Variants in MNS1 observed in about 807,000 individuals in gnomAD.
The protein encoded by MNS1 is meiosis-specific nuclear structural protein 1.
MNS1 carries 63 observed loss-of-function variants against 72.0 expected under a neutral mutation model. The observed-to-expected ratio is 0.87, with a 90% CI of 0.71 to 1.08. MNS1 has a LOEUF of 1.08. Ranked by LOEUF, MNS1 falls within the 50% of genes least tolerant of loss-of-function variation. The pLI is 0.00. For synonymous variants in MNS1, 188 were observed against 172.1 expected, an observed-to-expected ratio of 1.09 and a Z score of -0.72; for missense variants, 604 against 562.4, an observed-to-expected ratio of 1.07 and a Z score of -0.75.
In MNS1 at chr15:56,464,063, T is replaced by C; in HGVS notation, c.188A>G (p.Glu63Gly). The C allele has an allele frequency of 1.2e-6, 2 of 1,613,708 alleles. No individual in the cohort carries two copies. The highest frequency in any genetic ancestry group is 2.2e-5 in the East Asian group (1 of 44,854). The change falls in exon 2 of 10, where the codon GAA (glutamate) becomes GGA (glycine). Residue 63 changes from glutamate to glycine, a missense_variant. Glu to Gly is a moderately conservative substitution (Grantham distance 98). Transcript: ENST00000260453. ...CTCTTCCATATCCAACTCAAATTGT[T>C]CATTTTGTAATAATCTGAGAAATTG... is the stretch of plus-strand genomic sequence containing the variant. ...RKQFLRLLQN[E>G]QFELDMEEAI...
chr15:56,449,496 C>A (rs1316747592), intron 3 of MNS1, among the ~76,000 whole-genome samples: 1 of 152,144 alleles, frequency 6.6e-6, no homozygotes, highest in African/African-American at 2.4e-5. Flanking sequence ...CACTGGATTT[C>A]GTATTGACTA....
At chr15:56,441,169 TTAATTA>T (rs1314869805) in intron 7 of MNS1, among the ~76,000 whole-genome samples, 1 of 152,164 alleles carries the variant, frequency 6.6e-6, no homozygotes, top group Non-Finnish European at 1.5e-5. Flanking sequence ...AATATATTGT[TTAATTA>T]TAATATATTT....
intron 7 of MNS1, among the ~76,000 whole-genome samples, chr15:56,442,704 CAAA>C (rs1341639483): frequency 6.6e-6 from 1 of 151,990 alleles, no homozygotes; most frequent in Non-Finnish European, 1.5e-5. Flanking sequence ...CACGTGGACA[CAAA>C]GAAGGAAAAC....
Position 56,431,443 on chromosome 15 carries a change from G to T in MNS1, c.1325C>A (p.Ala442Glu), listed in dbSNP as rs547773434. The T allele has an allele frequency of 1.2e-6, 2 of 1,613,296 alleles. No homozygotes were observed. Among genetic ancestry groups the T allele is most frequent in the Admixed American group, 1.7e-5 (1 of 59,900 alleles). ...TTTTAGCCTTTCTTCTTCAATAATTGCATTAATAAATCCTTGCCGCCTTTG... is the reference window on the plus strand; with the variant it reads ...TTTTAGCCTTTCTTCTTCAATAATTTCATTAATAAATCCTTGCCGCCTTTG... ...LQQRRQGFIN[A>E]IIEEERLKLL... Residue 442 changes from alanine to glutamate, a missense_variant, in exon 9 of 10, where the codon GCA becomes GAA. Coordinates refer to ENST00000260453, the MANE Select transcript of MNS1 (RefSeq NM_018365.4).
chr15:56,465,083 T>C lies in MNS1; in HGVS notation c.-111A>G. 2 of 1,465,636 alleles carry C rather than the reference T, an allele frequency of 1.4e-6. No homozygotes were observed. Among genetic ancestry groups the C allele is most frequent in the Non-Finnish European group, 1.9e-6 (2 of 1,078,292 alleles). The allele number at this position is 1,465,636 out of a possible 1,614,324, so 90.8% of individuals were successfully genotyped here. A position where few individuals can be genotyped will look rare whatever the true frequency, so the allele number is the denominator to read the frequency against. On this transcript the variant is annotated 5_prime_UTR_variant, in exon 1 of 10. Transcript: ENST00000260453. ...GCACCTGGCTGCGCGCGCTCGGGTGTTTACGCGGCGTCTTGGCAACGGTGG... is the reference window on the plus strand; with the variant it reads ...GCACCTGGCTGCGCGCGCTCGGGTGCTTACGCGGCGTCTTGGCAACGGTGG...
chr15:56,444,718 A>G (rs770312666), intron 4 of MNS1, 45 bp from the exon 5 acceptor site: 9 of 1,408,620 alleles, frequency 6.4e-6, no homozygotes, highest in Admixed American at 1.9e-5. Context: ...AAATTTGAAC[A>G]TAGTACGATA....
chr15:56,437,427 A>G (rs1157007687), intron 7 of MNS1, among the ~76,000 whole-genome samples: 2 of 152,206 alleles, frequency 1.3e-5, no homozygotes, highest in Non-Finnish European at 2.9e-5. Flanking sequence ...CCTTCTTGCT[A>G]AAAACTCTCA....
At chr15:56,447,466 A>G (rs2050915322) in intron 3 of MNS1, 1 of 144,102 alleles carries the variant, frequency 6.9e-6, no homozygotes, top group Admixed American at 6.7e-5. Context: ...TTAAAAGTCT[A>G]TCGATGTTTA....
In MNS1 at chr15:56,461,975, G is replaced by GTT. The variant is rs56022687; in HGVS notation, c.225+2049_225+2050dup. Among the ~76,000 whole-genome samples, 110 of 97,764 alleles carry GTT rather than the reference G, an allele frequency of 1.1e-3. 3 individuals are homozygous for GTT. Among genetic ancestry groups the GTT allele is most frequent in the Non-Finnish European group, 1.5e-3 (73 of 47,960 alleles). 64.1% of individuals were successfully genotyped at this position (97,764 alleles called of 152,430 possible). Reference sequence around the variant, plus strand: ...AATAACAAAGTGTTTTTTTGTTGTTGTTTTTTTTTTTTTTTTTTTTTTTTT... The same window carrying GTT: ...AATAACAAAGTGTTTTTTTGTTGTTGTTTTTTTTTTTTTTTTTTTTTTTTTTT... On this transcript the variant is annotated intron_variant, in intron 2 of 9. Transcript: ENST00000260453.
chr15:56,441,602 TATC>T (rs1436167069), intron 7 of MNS1, among the ~76,000 whole-genome samples: 5 of 152,192 alleles, frequency 3.3e-5, no homozygotes, highest in Admixed American at 2.0e-4. Flanking sequence ...GAAATGAAGT[TATC>T]AACAGAATAA....
intron 9 of MNS1, chr15:56,429,823 G>A (rs900975227): frequency 2.0e-5 from 3 of 152,098 alleles, no homozygotes; most frequent in Non-Finnish European, 4.4e-5. Context: ...AGGACCTAAA[G>A]GATAAAGGTC....
Position 56,429,198 on chromosome 15 carries a change from G to C in MNS1, c.1396-5C>G. Reference sequence around the variant, plus strand: ...ATCCTCTTTTTTAAATACTCCCTACGAGAAAAATACTTTGTGGGTTACTTT... The same window carrying C: ...ATCCTCTTTTTTAAATACTCCCTACCAGAAAAATACTTTGTGGGTTACTTT... On this transcript the variant is annotated splice_polypyrimidine_tract_variant and splice_region_variant and intron_variant, in intron 9 of 9. Transcript: ENST00000260453. 1 of 1,567,488 alleles carries C rather than the reference G, an allele frequency of 6.4e-7. No individual in the cohort carries two copies.
At chr15:56,460,875 G>A (rs1162479819) in intron 2 of MNS1, among the ~76,000 whole-genome samples, 4 of 152,174 alleles carry the variant, frequency 2.6e-5, no homozygotes, top group Non-Finnish European at 4.4e-5. Context: ...GTTCTCCAGA[G>A]TAAGTGATTA....
intron 8 of MNS1, among the ~76,000 whole-genome samples, chr15:56,433,256 G>A (rs764783065): frequency 1.3e-5 from 2 of 150,738 alleles, no homozygotes; most frequent in African/African-American, 2.5e-5. Flanking sequence ...AGGGCCTGTC[G>A]GGGGGTGGGG....
At position 56,431,477 on chromosome 15, in the gene MNS1, G is replaced by A. The variant is rs1172143040; in HGVS notation, c.1291C>T (p.Gln431Ter). The change falls in exon 9 of 10, where the codon CAG becomes TAG. Residue 431 changes from glutamine (Q) to a stop codon, truncating the protein, a stop_gained. Coordinates refer to ENST00000260453, the MANE Select transcript of MNS1 (RefSeq NM_018365.4). LOFTEE classifies it high-confidence loss of function. Reference protein sequence around the residue: ...ADKQRELEEWQLQQRRQGFIN... With the variant: ...ADKQRELEEW ...AATCCTTGCCGCCTTTGCTGCAACT[G>A]CCACTCTTCTAGTTCACGTTGCTGG... 3.1e-6 allele frequency: 5 copies of A among 1,613,400 alleles called. No individual in the cohort carries two copies. The highest frequency in any genetic ancestry group is 2.2e-5 in the East Asian group (1 of 44,858).
Position 56,435,837 on chromosome 15 carries a change from G to A in MNS1, c.1012-1442C>T, listed in dbSNP as rs537941512. The stretch of plus-strand genomic sequence containing the variant: ...CATTTTATGAAGATAGTATTACCCC[G>A]CTACCAATATAAAAAATTACAGACC... On this transcript the variant is annotated intron_variant, in intron 7 of 9. Coordinates refer to ENST00000260453, the MANE Select transcript of MNS1 (RefSeq NM_018365.4). 5.9e-5 allele frequency among the ~76,000 whole-genome samples: 9 copies of A among 152,026 alleles called. No individual in the cohort carries two copies. In the South Asian group the frequency reaches 8.3e-4, roughly 14 times the overall value.
intron 3 of MNS1, among the ~76,000 whole-genome samples, chr15:56,451,693 A>G (rs2050948517): frequency 6.6e-6 from 1 of 151,326 alleles, no homozygotes; most frequent in Non-Finnish European, 1.5e-5. Context: ...TGGTGAGAAA[A>G]CCATATGCAT....
chr15:56,460,003 A>ATATATATATATATATATATATATATATAT (rs1243035397), intron 2 of MNS1, among the ~76,000 whole-genome samples: 1 of 32,880 alleles, frequency 3.0e-5, no homozygotes, highest in African/African-American at 1.1e-4. Context: ...AAAAAAAAAA[A>ATATATATATATATATATATATATATATAT]AAAAAAATAC....
chr15:56,431,251 C>CCAT (rs1488492542), intron 9 of MNS1, 122 bp downstream of exon 9: 2 of 1,091,304 alleles, frequency 1.8e-6, no homozygotes, highest in Admixed American at 4.8e-5. Flanking sequence ...CAGGAGGATC[C>CCAT]CATTGCTGCT....
Sources: gnomAD v4.1 joint callset for allele counts (sites outside exome capture counted in the v4.1 genomes callset) on GRCh38, gnomAD v4.1.1 for gene constraint, MANE v1.5 for transcripts, NCBI Gene and HGNC (gene_info 2026-07-23, HGNC 2026-07-21) for gene names.